The following TMEM87A variants were observed in gnomAD, a reference collection of about 807,000 sequenced individuals.
TMEM87A encodes transmembrane protein 87A, also known as Golgi-pH regulating cation channel.
Under a neutral mutation model 90.0 loss-of-function variants are expected in TMEM87A, and 50 were observed. The observed-to-expected ratio is 0.56, with a 90% CI of 0.44 to 0.70. TMEM87A has a LOEUF of 0.70. Among genes scored for constraint, TMEM87A ranks in the 30% least tolerant of loss-of-function variants. TMEM87A has a pLI of 0.00. For missense variants in TMEM87A, 577 were observed against 660.5 expected, an observed-to-expected ratio of 0.87 and a Z score of 1.39; for synonymous variants, 226 against 226.7, an observed-to-expected ratio of 1.00 and a Z score of 0.03.
intron 7 of TMEM87A, among the ~76,000 whole-genome samples, chr15:42,243,057 G>C (rs1324260973): frequency 6.6e-6 from 1 of 152,006 alleles, no homozygotes; most frequent in East Asian, 1.9e-4. Context: ...ACAAGGTCAG[G>C]AGATCGAAAC....
chr15:42,239,010 C>A (rs2050825376), intron 8 of TMEM87A, among the ~76,000 whole-genome samples: 1 of 151,862 alleles, frequency 6.6e-6, no homozygotes, highest in Non-Finnish European at 1.5e-5. Flanking sequence ...TACACACATA[C>A]ACACACAAAA....
intron 10 of TMEM87A, 89 bp from the exon 11 acceptor site, chr15:42,233,395 G>T: frequency 1.1e-6 from 1 of 933,198 alleles, no homozygotes; most frequent in Non-Finnish European, 1.7e-6. Flanking sequence ...ATTAATATAG[G>T]CCAACAATTT....
intron 16 of TMEM87A, 49 bp from the exon 17 acceptor site, chr15:42,219,691 C>A: frequency 1.6e-6 from 2 of 1,269,870 alleles, no homozygotes; most frequent in East Asian, 2.5e-5. Flanking sequence ...AACAGACCAA[C>A]AATGTTGGCA....
At chr15:42,268,333 T>C (rs2051446007) in intron 2 of TMEM87A, among the ~76,000 whole-genome samples, 2 of 152,150 alleles carry the variant, frequency 1.3e-5, no homozygotes. Context: ...CTGGGAGTGA[T>C]AAAGCACTCT....
At chr15:42,246,693 T>C (rs1307527883) in intron 6 of TMEM87A, among the ~76,000 whole-genome samples, 2 of 152,252 alleles carry the variant, frequency 1.3e-5, no homozygotes, top group Non-Finnish European at 2.9e-5. Flanking sequence ...CAGTCTATCA[T>C]TGACGGACAT....
chr15:42,240,454 TC>T (rs1412627243), intron 7 of TMEM87A, among the ~76,000 whole-genome samples: 1 of 152,104 alleles, frequency 6.6e-6, no homozygotes, highest in Non-Finnish European at 1.5e-5. Context: ...GAATTGAACT[TC>T]CCCAAAACCT....
chr15:42,217,925 TA>T, intron 18 of TMEM87A, 92 bp from the exon 19 acceptor site: 1 of 1,279,234 alleles, frequency 7.8e-7, no homozygotes, highest in Non-Finnish European at 1.1e-6. Context: ...TTAAAAGCTT[TA>T]TAATTATCTA....
chr15:42,273,387 A>C lies in TMEM87A; in HGVS notation c.12T>G (p.Ala4=), dbSNP rs958019797. 2.5e-6 allele frequency: 4 copies of C among 1,613,932 alleles called. No homozygotes were observed. Among genetic ancestry groups the C allele is most frequent in the Non-Finnish European group, 2.5e-6 (3 of 1,180,032 alleles). ...TGACAGGCAACACCTGAAGCCACGC[A>C]GCCGCCGCCATCTTCACAGCCGTGG... MAA[A]AWLQVLPVIL... is the part of the protein sequence containing the mutation. Residue 4 remains alanine (A), a synonymous_variant, in exon 1 of 20, where the codon GCT becomes GCG. Transcript: ENST00000389834.
upstream of TMEM87A, chr15:42,273,536 G>T: frequency 7.0e-7 from 1 of 1,422,314 alleles, no homozygotes; most frequent in Non-Finnish European, 9.4e-7. Flanking sequence ...CGGCGTAGCG[G>T]CCCCTCTCTC....
intron 19 of TMEM87A, among the ~76,000 whole-genome samples, chr15:42,215,912 G>T (rs1237360406): frequency 6.6e-6 from 1 of 152,138 alleles, no homozygotes; most frequent in African/African-American, 2.4e-5. Context: ...AATGAAGCAG[G>T]ATCTCAAAGA....
chr15:42,272,037 A>C, intron 2 of TMEM87A, 26 bp downstream of exon 2: 1 of 1,567,260 alleles, frequency 6.4e-7, no homozygotes, highest in Non-Finnish European at 8.6e-7. Flanking sequence ...ATTCAAATTA[A>C]AACTTCATGA....
chr15:42,255,421 C>T (rs751928011), intron 6 of TMEM87A, among the ~76,000 whole-genome samples: 4 of 152,106 alleles, frequency 2.6e-5, no homozygotes, highest in South Asian at 4.1e-4. Flanking sequence ...TGTGAGCCAC[C>T]GCACCCGGCC....
At chr15:42,273,550 C>CGACTGTCTGAGAG, upstream of TMEM87A, 2 of 1,350,328 alleles carry the variant, frequency 1.5e-6, no homozygotes, top group Non-Finnish European at 2.0e-6. Context: ...CTCTCTCAGA[C>CGACTGTCTGAGAG]AGTCGTCTGT....
At chr15:42,228,885 G>A (rs1566926332) in intron 12 of TMEM87A, 65 bp from the exon 13 acceptor site, 1 of 1,227,200 alleles carries the variant, frequency 8.1e-7, no homozygotes, top group African/African-American at 1.5e-5. Flanking sequence ...TAGTTTTCAG[G>A]TTTCTTTAAG....
At chr15:42,248,489 T>C (rs1015125809) in intron 6 of TMEM87A, among the ~76,000 whole-genome samples, 1 of 152,096 alleles carries the variant, frequency 6.6e-6, no homozygotes, top group Non-Finnish European at 1.5e-5. Context: ...GTTTTTAGCA[T>C]GAAGGGCTGT....
Position 42,217,785 on chromosome 15 carries a change from C to G in TMEM87A, c.1626+18G>C, listed in dbSNP as rs201316249. 1 of 1,610,792 alleles carries G rather than the reference C, an allele frequency of 6.2e-7. No individual in the cohort carries two copies. The highest frequency in any genetic ancestry group is 1.3e-5 in the African/African-American group (1 of 74,846). ...AGTCACCATATACATAATTTATGCA[C>G]GTGAATTGAGTACCAACCTCATCTG... On this transcript the variant is annotated intron_variant, in intron 19 of 19. Coordinates refer to ENST00000389834, the MANE Select transcript of TMEM87A (RefSeq NM_015497.5).
intron 6 of TMEM87A, among the ~76,000 whole-genome samples, chr15:42,249,187 T>A (rs1018920991): frequency 1.3e-5 from 2 of 152,226 alleles, no homozygotes; most frequent in African/African-American, 2.4e-5. Context: ...TCTTCTTTAT[T>A]AGTCTTGCTA....
chr15:42,251,073 A>G (rs1317944239), intron 6 of TMEM87A, among the ~76,000 whole-genome samples: 1 of 152,108 alleles, frequency 6.6e-6, no homozygotes, highest in Admixed American at 6.5e-5. Context: ...TTCTCGTGCC[A>G]TGGTTTTCAG....
intron 10 of TMEM87A, 35 bp from the exon 11 acceptor site, chr15:42,233,341 T>C (rs1331078393): frequency 1.3e-6 from 2 of 1,532,098 alleles, no homozygotes; most frequent in South Asian, 2.3e-5. Context: ...TGAGTACATA[T>C]GGGACAAATG....
Sources: gnomAD v4.1 joint callset for allele counts (sites outside exome capture counted in the v4.1 genomes callset) on GRCh38, gnomAD v4.1.1 for gene constraint, MANE v1.5 for transcripts, NCBI Gene and HGNC (gene_info 2026-07-23, HGNC 2026-07-21) for gene names.